Variants in PDLIM5 observed in about 807,000 individuals in gnomAD.
The protein encoded by PDLIM5 is PDZ and LIM domain 5, also known as PDZ and LIM domain protein 5.
In PDLIM5, 34 loss-of-function variants were observed where a neutral mutation model predicts 64.2. The observed-to-expected ratio is 0.53, with a 90% CI of 0.40 to 0.71. The LOEUF is 0.71. PDLIM5 is among the 30% of genes least tolerant of loss of function. The probability of loss-of-function intolerance (pLI) is 0.00; values close to 1 mark genes in which losing one functional copy is unlikely to be tolerated. For missense variants in PDLIM5, 683 were observed against 733.6 expected, an observed-to-expected ratio of 0.93 and a Z score of 0.80; for synonymous variants, 253 against 269.1, an observed-to-expected ratio of 0.94 and a Z score of 0.59.
chr4:94,599,543 A>G (rs1175543141), intron 7 of PDLIM5, among the ~76,000 whole-genome samples: 1 of 152,170 alleles, frequency 6.6e-6, no homozygotes, highest in Non-Finnish European at 1.5e-5. Flanking sequence ...AAAGGTTATG[A>G]ATTTTGGAGT....
chr4:94,513,662 G>A (rs889823142), intron 2 of PDLIM5, among the ~76,000 whole-genome samples: 3 of 152,140 alleles, frequency 2.0e-5, no homozygotes, highest in African/African-American at 7.2e-5. Context: ...CATATCATCT[G>A]CAAATAAGGA....
intron 2 of PDLIM5, among the ~76,000 whole-genome samples, chr4:94,519,046 T>C (rs1729608148): frequency 6.6e-6 from 1 of 152,182 alleles, no homozygotes; most frequent in African/African-American, 2.4e-5. Context: ...GGAATCGATT[T>C]TGGGAAACTC....
chr4:94,457,649 G>A (rs909150846), intron 2 of PDLIM5, among the ~76,000 whole-genome samples: 29 of 152,138 alleles, frequency 1.9e-4, no homozygotes, highest in Non-Finnish European at 4.4e-5. Flanking sequence ...TGCAAATAGA[G>A]TATGTTTGCG....
intron 8 of PDLIM5, among the ~76,000 whole-genome samples, chr4:94,630,502 T>G (rs1430964006): frequency 2.6e-5 from 4 of 151,996 alleles, no homozygotes; most frequent in African/African-American, 9.7e-5. Flanking sequence ...GGCCTAACAG[T>G]AGCTAGGATT....
At chr4:94,452,189 G>T (rs1041632131) in intron 1 of PDLIM5, among the ~76,000 whole-genome samples, 194 bp downstream of exon 1, 1 of 152,312 alleles carries the variant, frequency 6.6e-6, no homozygotes, top group South Asian at 2.1e-4. Flanking sequence ...TTGGGAAAAG[G>T]AGCGCCCGGA....
At position 94,666,134 on chromosome 4, in the gene PDLIM5, T is replaced by TA. The variant is rs966860314; in HGVS notation, c.*2068dup. On this transcript the variant is annotated 3_prime_UTR_variant, in exon 13 of 13. Transcript: ENST00000317968. Reference sequence around the variant, plus strand: ...GGTCCTTCCTGCCCCATCACTCACTTACGACATCACTTCCATTGTGTGCAT... The same window carrying TA: ...GGTCCTTCCTGCCCCATCACTCACTTAACGACATCACTTCCATTGTGTGCAT... 403 of 832,436 alleles carry TA rather than the reference T, an allele frequency of 4.8e-4. No individual in the cohort carries two copies. The highest frequency in any genetic ancestry group is 7.0e-4 in the Non-Finnish European group (377 of 535,198). The allele number at this position is 832,436 out of a possible 1,614,324, so 51.6% of individuals were successfully genotyped here. A position where few individuals can be genotyped will look rare whatever the true frequency, so the allele number is the denominator to read the frequency against.
At chr4:94,610,959 C>A in intron 7 of PDLIM5, 1 of 751,838 alleles carries the variant, frequency 1.3e-6, no homozygotes, top group Non-Finnish European at 2.2e-6. Context: ...CCTCTCTCTC[C>A]CCACCCTCTC....
chr4:94,650,702 C>T (rs1741775445), intron 9 of PDLIM5, among the ~76,000 whole-genome samples: 1 of 152,154 alleles, frequency 6.6e-6, no homozygotes, highest in African/African-American at 2.4e-5. Context: ...GGCTAAATCC[C>T]AGTTAGGTTG....
chr4:94,491,048 A>G (rs1476681299), intron 2 of PDLIM5, among the ~76,000 whole-genome samples: 1 of 152,152 alleles, frequency 6.6e-6, no homozygotes, highest in Non-Finnish European at 1.5e-5. Flanking sequence ...CCCACTGGGA[A>G]TTTTCATATG....
intron 7 of PDLIM5, chr4:94,586,951 A>G (rs771928347): frequency 4.3e-6 from 6 of 1,380,438 alleles, no homozygotes; most frequent in African/African-American, 1.5e-5. Context: ...TGACTCTTCT[A>G]TCACTCTTTT....
chr4:94,520,826 A>C (rs1047757153), intron 2 of PDLIM5, among the ~76,000 whole-genome samples: 1 of 152,228 alleles, frequency 6.6e-6, no homozygotes, highest in Non-Finnish European at 1.5e-5. Context: ...CAAGATGATT[A>C]ATATTACCAG....
intron 2 of PDLIM5, among the ~76,000 whole-genome samples, chr4:94,502,757 A>G (rs557326180): frequency 9.2e-5 from 14 of 152,154 alleles, no homozygotes; most frequent in Middle Eastern, 3.4e-3. Flanking sequence ...TGCACCTGTA[A>G]TCCCAGCTAC....
At chr4:94,627,959 T>C (rs1739836097) in intron 8 of PDLIM5, among the ~76,000 whole-genome samples, 1 of 152,222 alleles carries the variant, frequency 6.6e-6, no homozygotes, top group Admixed American at 6.5e-5. Flanking sequence ...GAAGAATTCT[T>C]ACATCTAAAA....
intron 4 of PDLIM5, among the ~76,000 whole-genome samples, chr4:94,574,081 T>C (rs1159415143): frequency 1.3e-5 from 2 of 152,204 alleles, no homozygotes; most frequent in Admixed American, 1.3e-4. Flanking sequence ...TTCAAAAATC[T>C]GAGAATATCT....
chr4:94,455,904 C>T, intron 2 of PDLIM5: 3 of 1,448,050 alleles, frequency 2.1e-6, no homozygotes, highest in Non-Finnish European at 2.8e-6. Context: ...CTTGGAGCTC[C>T]AACTAGATAG....
intron 3 of PDLIM5, among the ~76,000 whole-genome samples, chr4:94,541,590 A>T (rs1033785771): frequency 1.8e-4 from 27 of 152,236 alleles, no homozygotes; most frequent in African/African-American, 6.5e-4. Context: ...GCCATAACTT[A>T]ACATCCCCAG....
intron 3 of PDLIM5, among the ~76,000 whole-genome samples, chr4:94,535,490 G>T (rs974481564): frequency 6.6e-6 from 1 of 152,052 alleles, no homozygotes; most frequent in Non-Finnish European, 1.5e-5. Flanking sequence ...CTTGGTGAAC[G>T]GCCCCACCAT....
At chr4:94,494,835 G>A (rs750430641) in intron 2 of PDLIM5, among the ~76,000 whole-genome samples, 9 of 151,732 alleles carry the variant, frequency 5.9e-5, no homozygotes, top group East Asian at 3.9e-4. Context: ...TGCAATCTCC[G>A]CTTCCCTGGT....
chr4:94,570,700 T>C (rs1260090725), intron 3 of PDLIM5, among the ~76,000 whole-genome samples: 6 of 151,968 alleles, frequency 3.9e-5, no homozygotes, highest in Non-Finnish European at 8.8e-5. Flanking sequence ...CCTTCTAGAG[T>C]TGCTTTGTTA....
Sources: gnomAD v4.1 joint callset for allele counts (sites outside exome capture counted in the v4.1 genomes callset) on GRCh38, gnomAD v4.1.1 for gene constraint, MANE v1.5 for transcripts, NCBI Gene and HGNC (gene_info 2026-07-23, HGNC 2026-07-21) for gene names.